Variants in VPS13C observed in about 807,000 individuals in gnomAD.
The protein encoded by VPS13C is intermembrane lipid transfer protein VPS13C.
VPS13C carries 358 observed loss-of-function variants against 456.8 expected under a neutral mutation model. That is an observed-to-expected ratio of 0.78 (90% CI 0.72 to 0.86). The LOEUF is 0.86. Ranked by LOEUF, VPS13C falls within the 40% of genes least tolerant of loss-of-function variation. The probability of loss-of-function intolerance (pLI) is 0.00; values close to 1 mark genes in which losing one functional copy is unlikely to be tolerated. For synonymous variants in VPS13C, 1,578 were observed against 1,486.7 expected, an observed-to-expected ratio of 1.06 and a Z score of -1.41; for missense variants, 4,818 against 4,385.4, an observed-to-expected ratio of 1.10 and a Z score of -2.79.
intron 68 of VPS13C, among the ~76,000 whole-genome samples, chr15:61,883,184 CTAATTT>C (rs1896002505): frequency 6.6e-6 from 1 of 150,906 alleles, no homozygotes; most frequent in Admixed American, 6.6e-5. Context: ...CCATGCCCAG[CTAATTT>C]TAATTTTATT....
At chr15:61,947,969 G>A (rs184981319) in intron 42 of VPS13C, among the ~76,000 whole-genome samples, 5 of 152,246 alleles carry the variant, frequency 3.3e-5, no homozygotes, top group African/African-American at 1.2e-4. Context: ...TCCAGATCCT[G>A]ACTGATAAAT....
chr15:62,040,386 C>T (rs998416580), intron 3 of VPS13C, among the ~76,000 whole-genome samples: 1 of 152,110 alleles, frequency 6.6e-6, no homozygotes, highest in Non-Finnish European at 1.5e-5. Flanking sequence ...AGGATAAATA[C>T]TTTGAGGTGA....
rs770211563 is a variant in VPS13C, at chr15:61,919,403, AGGTCT to A, written c.7519_7523del (p.Arg2507TrpfsTer6). On this transcript the variant is annotated frameshift_variant, in exon 58 of 85. Coordinates refer to ENST00000644861, the MANE Select transcript of VPS13C (RefSeq NM_020821.3). LOFTEE classifies it high-confidence loss of function. Reference sequence around the variant, plus strand: ...TCCGTACATTATACAATCGCCGTCCAGGTCTGGCCACAGGGATATTTGCAACTTCT... The same window carrying A: ...TCCGTACATTATACAATCGCCGTCCAGGCCACAGGGATATTTGCAACTTCT... The A allele has an allele frequency of 2.5e-6, 4 of 1,598,214 alleles. No individual in the cohort carries two copies. The highest frequency in any genetic ancestry group is 3.4e-6 in the Non-Finnish European group (4 of 1,173,584).
intron 16 of VPS13C, among the ~76,000 whole-genome samples, chr15:61,999,289 G>A (rs2046509590): frequency 6.6e-6 from 1 of 151,740 alleles, no homozygotes; most frequent in Admixed American, 6.6e-5. Context: ...TGAGACAGGA[G>A]AATCGCTTGA....
intron 53 of VPS13C, among the ~76,000 whole-genome samples, chr15:61,924,768 C>T (rs1345601674): frequency 3.3e-5 from 5 of 151,152 alleles, no homozygotes; most frequent in Non-Finnish European, 7.4e-5. Flanking sequence ...CTGTTGGTCA[C>T]GGACCTATAT....
chr15:61,961,712 A>T lies in VPS13C; in HGVS notation c.3785T>A (p.Val1262Glu), dbSNP rs779375314. 5.6e-6 allele frequency: 9 copies of T among 1,614,040 alleles called. No individual in the cohort carries two copies. The highest frequency in any genetic ancestry group is 6.8e-6 in the Non-Finnish European group (8 of 1,179,952). Residue 1262 changes from valine to glutamate, a missense_variant, in exon 35 of 85, where the codon GTA becomes GAA. Physicochemically the swap from Val to Glu is moderately radical, Grantham distance 121 (BLOSUM62 -2). This residue lies in a region of VPS13C where 4,552 missense variants were observed against 4,130.6 expected (regional missense o/e 1.10). Coordinates refer to ENST00000644861, the MANE Select transcript of VPS13C (RefSeq NM_020821.3). ...IPQSSISTNA[V>E]VVDLGLIRVH... ...TCTGATTAACCCAAGATCTACCACT[A>T]CTGCATTGGTGGAAATAGAAGACTG...
intron 5 of VPS13C, among the ~76,000 whole-genome samples, chr15:62,030,395 TA>T (rs1447854440): frequency 2.0e-5 from 3 of 152,066 alleles, no homozygotes; most frequent in African/African-American, 7.2e-5. Flanking sequence ...GGGTCCCTCA[TA>T]AATGATGACA....
intron 27 of VPS13C, among the ~76,000 whole-genome samples, chr15:61,969,863 G>A (rs769901829): frequency 1.3e-5 from 2 of 151,970 alleles, no homozygotes; most frequent in Non-Finnish European, 2.9e-5. Flanking sequence ...GGAAATTATA[G>A]CCTGTATATT....
At chr15:62,016,231 GT>G in intron 9 of VPS13C, among the ~76,000 whole-genome samples, 1 of 150,924 alleles carries the variant, frequency 6.6e-6, no homozygotes, top group South Asian at 2.1e-4. Context: ...AACTTGTCTG[GT>G]ATGATATATG....
chr15:62,003,110 A>AT (rs1465922124), intron 15 of VPS13C, among the ~76,000 whole-genome samples: 1 of 152,144 alleles, frequency 6.6e-6, no homozygotes, highest in Non-Finnish European at 1.5e-5. Context: ...TACCTTGGGC[A>AT]GTATGGCCAT....
intron 1 of VPS13C, among the ~76,000 whole-genome samples, chr15:62,058,454 C>CG (rs576398816): frequency 5.0e-4 from 75 of 151,180 alleles, no homozygotes; most frequent in South Asian, 1.0e-3. Flanking sequence ...AAAAATATTT[C>CG]GGGGGGAAAA....
intron 5 of VPS13C, among the ~76,000 whole-genome samples, chr15:62,032,524 A>G (rs2899678): frequency 0.54 from 81,073 of 151,466 alleles, 21,944 homozygotes; most frequent in Admixed American, 0.62. Flanking sequence ...AAAATACTTG[A>G]AGCAAGAATT....
intron 73 of VPS13C, among the ~76,000 whole-genome samples, chr15:61,879,662 T>C (rs1895709884): frequency 6.6e-6 from 1 of 152,094 alleles, no homozygotes; most frequent in Non-Finnish European, 1.5e-5. Flanking sequence ...ATAATATCCA[T>C]GAAGCTGTTT....
chr15:61,931,108 A>T lies in VPS13C; in HGVS notation c.6020T>A (p.Ile2007Asn), dbSNP rs368291106. ...GACAAACCTCGATGTTGCTCTCTCA[A>T]TTCCTTCTCTGAGATCATCAAGGGT... The part of the protein sequence containing the change: ...TCTLDDLREG[I>N]ERATSRMIDR... The change falls in exon 50 of 85, where the codon ATT becomes AAT. Residue 2007 changes from isoleucine to asparagine, a missense_variant. Ile to Asn is a moderately radical substitution (Grantham distance 149). This residue lies in a region of VPS13C where 4,552 missense variants were observed against 4,130.6 expected (regional missense o/e 1.10). Transcript: ENST00000644861. 6.2e-7 allele frequency: 1 copy of T among 1,614,078 alleles called. No individual in the cohort carries two copies. The highest frequency in any genetic ancestry group is 1.1e-5 in the South Asian group (1 of 91,078).
intron 22 of VPS13C, among the ~76,000 whole-genome samples, chr15:61,980,704 G>T (rs776254358): frequency 2.6e-5 from 4 of 151,902 alleles, no homozygotes; most frequent in Admixed American, 6.6e-5. Flanking sequence ...AGACTACAAT[G>T]ACATGATTAA....
At chr15:62,002,518 G>C (rs924613853) in intron 15 of VPS13C, among the ~76,000 whole-genome samples, 16 of 152,120 alleles carry the variant, frequency 1.1e-4, no homozygotes, top group African/African-American at 3.9e-4. Context: ...AAGCGCTTTA[G>C]TTTAATTAGA....
chr15:62,029,834 T>C lies in VPS13C; in HGVS notation c.386-1414A>G, dbSNP rs75313447. The stretch of plus-strand genomic sequence containing the variant: ...TCTATCCCCAGACAAATCAAACGAG[T>C]GTAGAAGTAAAACACAAAGACATTC... On this transcript the variant is annotated intron_variant, in intron 5 of 84. Transcript: ENST00000644861. Among the ~76,000 whole-genome samples, 545 of 151,868 alleles carry C rather than the reference T, an allele frequency of 3.6e-3. 6 individuals are homozygous for C. The highest frequency in any genetic ancestry group is 0.023 in the East Asian group (119 of 5,150).
At chr15:61,865,526 TATAATGTATGTA>T in intron 81 of VPS13C, 9 of 939,520 alleles carry the variant, frequency 9.6e-6, no homozygotes, top group Non-Finnish European at 1.1e-5. Context: ...TATACATACA[TATAATGTATGTA>T]TATATGTATG....
intron 15 of VPS13C, among the ~76,000 whole-genome samples, chr15:62,004,854 G>A (rs1271717762): frequency 6.6e-6 from 1 of 152,176 alleles, no homozygotes; most frequent in Admixed American, 6.5e-5. Flanking sequence ...TTAATACTGA[G>A]TTCTAGTTTG....
Sources: gnomAD v4.1 joint callset for allele counts (sites outside exome capture counted in the v4.1 genomes callset) on GRCh38, gnomAD v4.1.1 for gene constraint, gnomAD v4.1.1 regional missense constraint, MANE v1.5 for transcripts, NCBI Gene and HGNC (gene_info 2026-07-23, HGNC 2026-07-21) for gene names.